Variants in SLC8A3 observed in about 807,000 individuals in gnomAD.
SLC8A3 encodes the protein solute carrier family 8 member A3, also known as sodium/calcium exchanger 3.
In SLC8A3, 37 loss-of-function variants were observed where a neutral mutation model predicts 65.4. The ratio of observed to expected loss-of-function variants is 0.57; its 90% CI spans 0.44 to 0.74. SLC8A3 has a LOEUF of 0.74. SLC8A3 is among the 30% of genes least tolerant of loss of function. The pLI, the probability that SLC8A3 is intolerant of heterozygous loss-of-function variation, is 0.00. For missense variants in SLC8A3, 1,112 were observed against 1,172.1 expected, an observed-to-expected ratio of 0.95 and a Z score of 0.75; for synonymous variants, 461 against 444.5, an observed-to-expected ratio of 1.04 and a Z score of -0.47.
chr14:70,150,222 A>G (rs555727308), intron 2 of SLC8A3, among the ~76,000 whole-genome samples: 2 of 152,334 alleles, frequency 1.3e-5, no homozygotes, highest in Non-Finnish European at 2.9e-5. Context: ...GCATAATTGT[A>G]TTCAATCCTC....
intron 2 of SLC8A3, among the ~76,000 whole-genome samples, chr14:70,135,526 T>C (rs1398702617): frequency 6.6e-6 from 1 of 152,130 alleles, no homozygotes; most frequent in East Asian, 1.9e-4. Context: ...AAAGAAGATA[T>C]GATATACATA....
At chr14:70,121,596 T>C (rs1050497542) in intron 2 of SLC8A3, among the ~76,000 whole-genome samples, 1 of 152,174 alleles carries the variant, frequency 6.6e-6, no homozygotes, top group Non-Finnish European at 1.5e-5. Flanking sequence ...AAACTAGTCA[T>C]GTAGTCAAAT....
chr14:70,061,480 A>T (rs1193973983), intron 2 of SLC8A3, among the ~76,000 whole-genome samples: 3 of 152,074 alleles, frequency 2.0e-5, no homozygotes, highest in Non-Finnish European at 4.4e-5. Flanking sequence ...TTCAGAAAGA[A>T]AATTTTAAAA....
rs1472049533 is a variant in SLC8A3 at position 70,045,957 on chromosome 14, T to G, written c.2756A>C (p.Lys919Thr). Residue 919 changes from lysine (K) to threonine (T), a missense_variant, in exon 7 of 7, where the codon AAG (lysine) becomes ACG (threonine). Lys to Thr is a moderately conservative substitution (Grantham distance 78). Transcript: ENST00000356921. ...GCTCTGTTGTGTGGCTTAGAACCCC[T>G]TGATGTAGCAATAGGCCTCTAGTGT... ...FATLEAYCYI[K>T]GF 2 of 1,593,584 alleles carry G rather than the reference T, an allele frequency of 1.3e-6. No homozygotes were observed. The highest frequency in any genetic ancestry group is 2.3e-5 in the East Asian group (1 of 44,372).
chr14:70,158,406 G>C (rs1318368009), intron 2 of SLC8A3, among the ~76,000 whole-genome samples: 1 of 152,212 alleles, frequency 6.6e-6, no homozygotes, highest in Non-Finnish European at 1.5e-5. Context: ...AGACCAAACA[G>C]CCTGGCAGAA....
At chr14:70,135,575 G>A (rs8011864) in intron 2 of SLC8A3, among the ~76,000 whole-genome samples, 23,449 of 152,030 alleles carry the variant, frequency 0.15, 1,930 homozygotes, top group African/African-American at 0.19. Flanking sequence ...AAATAAATAA[G>A]ATCCTGTCAT....
At chr14:70,064,107 GCTC>G (rs929805732) in intron 2 of SLC8A3, among the ~76,000 whole-genome samples, 24 of 152,248 alleles carry the variant, frequency 1.6e-4, no homozygotes, top group African/African-American at 5.8e-4. Flanking sequence ...GCCTCACTGG[GCTC>G]CTCCTGGGCT....
chr14:70,063,891 T>C (rs1188877114), intron 2 of SLC8A3: 9 of 1,611,958 alleles, frequency 5.6e-6, no homozygotes, highest in Non-Finnish European at 7.6e-6. Context: ...GTTTTTCTCA[T>C]ATGCCTCATC....
intron 2 of SLC8A3, among the ~76,000 whole-genome samples, chr14:70,154,988 C>T (rs996731968): frequency 2.7e-5 from 4 of 146,162 alleles, no homozygotes; most frequent in South Asian, 2.1e-4. Flanking sequence ...GGCGTGATCT[C>T]GGCTCACTGC....
chr14:70,045,932 G>C lies in SLC8A3; in HGVS notation c.*15C>G. 5 of 1,566,456 alleles carry C rather than the reference G, an allele frequency of 3.2e-6. No individual in the cohort carries two copies. Among genetic ancestry groups the C allele is most frequent in the Non-Finnish European group, 4.3e-6 (5 of 1,152,710 alleles). ...AAGTCCTAGGCCTGCCCTGCTGGAG[G>C]CTCTGTTGTGTGGCTTAGAACCCCT... On this transcript the variant is annotated 3_prime_UTR_variant, in exon 7 of 7. Coordinates refer to ENST00000356921, the MANE Select transcript of SLC8A3 (RefSeq NM_182932.3).
chr14:70,066,622 C>T (rs1033784255), intron 2 of SLC8A3, among the ~76,000 whole-genome samples: 12 of 152,126 alleles, frequency 7.9e-5, no homozygotes, highest in African/African-American at 2.9e-4. Flanking sequence ...ACCAGCCTGA[C>T]CAACATGGGG....
chr14:70,103,485 G>A (rs1363481402), intron 2 of SLC8A3, among the ~76,000 whole-genome samples: 3 of 152,048 alleles, frequency 2.0e-5, no homozygotes, highest in African/African-American at 7.2e-5. Context: ...TGTACGTGAT[G>A]TAATACATAC....
intron 2 of SLC8A3, among the ~76,000 whole-genome samples, chr14:70,074,155 C>T (rs1417459106): frequency 1.3e-5 from 2 of 152,216 alleles, no homozygotes; most frequent in African/African-American, 4.8e-5. Flanking sequence ...GTGTGCAGCA[C>T]AGTGGCACTG....
At chr14:70,069,124 A>G (rs1335934620) in intron 2 of SLC8A3, among the ~76,000 whole-genome samples, 2 of 152,352 alleles carry the variant, frequency 1.3e-5, no homozygotes, top group East Asian at 1.9e-4. Flanking sequence ...ATTTTAGCCT[A>G]TGTCCCCCTA....
chr14:70,069,953 A>G (rs1288451075), intron 2 of SLC8A3, among the ~76,000 whole-genome samples: 1 of 152,176 alleles, frequency 6.6e-6, no homozygotes, highest in Non-Finnish European at 1.5e-5. Flanking sequence ...CTACTGGTCC[A>G]TGGCCAAAAG....
At chr14:70,060,788 A>T (rs746915059) in intron 3 of SLC8A3, 48 bp downstream of exon 3, 1 of 1,041,230 alleles carries the variant, frequency 9.6e-7, no homozygotes, top group South Asian at 1.3e-5. Context: ...GTTTGTTTTA[A>T]TTTTTCTTTC....
chr14:70,157,677 A>C (rs1003656355), intron 2 of SLC8A3, among the ~76,000 whole-genome samples: 2 of 152,260 alleles, frequency 1.3e-5, no homozygotes, highest in South Asian at 4.1e-4. Context: ...CACTGGAGAC[A>C]GAAAGCGGTC....
intron 1 of SLC8A3, among the ~76,000 whole-genome samples, chr14:70,171,003 G>A (rs1897493030): frequency 6.6e-6 from 1 of 152,220 alleles, no homozygotes; most frequent in Non-Finnish European, 1.5e-5. Flanking sequence ...TGTGCACAAA[G>A]GCATTCATTC....
At chr14:70,149,446 C>G (rs1055833768) in intron 2 of SLC8A3, among the ~76,000 whole-genome samples, 2 of 152,188 alleles carry the variant, frequency 1.3e-5, no homozygotes, top group African/African-American at 2.4e-5. Context: ...CCCAGCCTGA[C>G]AGGCTTGTGG....
Sources: allele counts gnomAD v4.1 joint callset (sites outside exome capture counted in the v4.1 genomes callset), GRCh38; gene constraint gnomAD v4.1.1; transcripts MANE v1.5; gene names NCBI Gene and HGNC (gene_info 2026-07-23, HGNC 2026-07-21).